Variants in PDE5A observed in about 807,000 individuals in gnomAD.
PDE5A encodes cGMP-specific 3',5'-cyclic phosphodiesterase.
In PDE5A, 67 loss-of-function variants were observed where a neutral mutation model predicts 110.2. The ratio of observed to expected loss-of-function variants is 0.61; its 90% CI spans 0.50 to 0.75. The LOEUF (loss-of-function observed/expected upper bound fraction) is 0.75, where lower values mean the gene tolerates loss of function less well. Ranked by LOEUF, PDE5A falls within the 30% of genes least tolerant of loss-of-function variation. The pLI is 0.00. For synonymous variants in PDE5A, 328 were observed against 351.2 expected (o/e 0.93, Z 0.74); for missense variants, 862 against 1,045.1 (o/e 0.82, Z 2.42).
chr4:119,569,030 T>A (rs910524308), intron 3 of PDE5A, among the ~76,000 whole-genome samples: 2 of 150,916 alleles, frequency 1.3e-5, no homozygotes, highest in African/African-American at 4.9e-5. Context: ...TTCCTTTCAG[T>A]CTTTTTTTTT....
chr4:119,624,318 A>G (rs1730263111), intron 1 of PDE5A, among the ~76,000 whole-genome samples: 1 of 152,224 alleles, frequency 6.6e-6, no homozygotes, highest in African/African-American at 2.4e-5. Flanking sequence ...AAAAAAATAC[A>G]TAGCAATATT....
At position 119,497,257 on chromosome 4, in the gene PDE5A, A is replaced by G. The variant is rs1231534718; in HGVS notation, c.*1344T>C. Reference sequence around the variant, plus strand: ...TCCCCAAATCCAAACATTCCTGCATATTTGAAACAAATTTTCCTTTCCTAG... The same window carrying G: ...TCCCCAAATCCAAACATTCCTGCATGTTTGAAACAAATTTTCCTTTCCTAG... On this transcript the variant is annotated 3_prime_UTR_variant, in exon 21 of 21. Transcript: ENST00000354960. The G allele has an allele frequency of 6.6e-6, 1 of 152,156 alleles. No individual in the cohort carries two copies. The highest frequency in any genetic ancestry group is 1.5e-5 in the Non-Finnish European group (1 of 68,016). 9.4% of individuals were successfully genotyped at this position (152,156 alleles called of 1,614,324 possible).
intron 15 of PDE5A, among the ~76,000 whole-genome samples, chr4:119,508,683 A>T: frequency 6.6e-6 from 1 of 151,918 alleles, no homozygotes; most frequent in East Asian, 1.9e-4. Context: ...AAATCATTTT[A>T]GATTCTAGGC....
intron 1 of PDE5A, among the ~76,000 whole-genome samples, chr4:119,608,533 A>G (rs566660682): frequency 1.3e-5 from 2 of 152,210 alleles, no homozygotes; most frequent in South Asian, 4.1e-4. Flanking sequence ...TCTAAAAATT[A>G]GACCTTGTTT....
intron 9 of PDE5A, chr4:119,543,853 A>G (rs965184277): frequency 6.6e-6 from 1 of 152,198 alleles, no homozygotes; most frequent in Admixed American, 6.5e-5. Flanking sequence ...CAGGTGAGGC[A>G]GGCATTTTTC....
chr4:119,538,925 A>T, intron 11 of PDE5A, 35 bp downstream of exon 11: 1 of 1,511,968 alleles, frequency 6.6e-7, no homozygotes, highest in Non-Finnish European at 9.2e-7. Flanking sequence ...AGGTGTCTGT[A>T]ATTAGTAATT....
intron 12 of PDE5A, among the ~76,000 whole-genome samples, chr4:119,523,009 T>C (rs533224689): frequency 2.1e-4 from 32 of 149,992 alleles, no homozygotes; most frequent in African/African-American, 7.8e-4. Context: ...CAATCAGTAG[T>C]GAAAAATAAC....
chr4:119,555,890 T>C (rs1727518461), intron 7 of PDE5A, among the ~76,000 whole-genome samples: 1 of 152,212 alleles, frequency 6.6e-6, no homozygotes, highest in African/African-American at 2.4e-5. Flanking sequence ...TAAAGTTACA[T>C]GATACTATGT....
chr4:119,587,062 T>C (rs1284911499), intron 3 of PDE5A, among the ~76,000 whole-genome samples: 1 of 152,200 alleles, frequency 6.6e-6, no homozygotes, highest in African/African-American at 2.4e-5. Flanking sequence ...ATATATACTT[T>C]GTTATTTAAA....
In PDE5A at chr4:119,497,453, T is replaced by G. The variant is rs112157459; in HGVS notation, c.*1148A>C. The G allele has an allele frequency of 2.6e-5, 4 of 152,264 alleles. No individual in the cohort carries two copies. The South Asian group carries it at 8.3e-4, about 32-fold the overall frequency. The allele number at this position is 152,264 out of a possible 1,614,324, so 9.4% of individuals were successfully genotyped here. Reference sequence around the variant, plus strand: ...TGAATGTGAGTTAAGGGCCAGTGTTTAGCATTCACATCCAGGATTCTCTGG... The same window carrying G: ...TGAATGTGAGTTAAGGGCCAGTGTTGAGCATTCACATCCAGGATTCTCTGG... On this transcript the variant is annotated 3_prime_UTR_variant, in exon 21 of 21. Coordinates refer to ENST00000354960, the MANE Select transcript of PDE5A (RefSeq NM_001083.4).
In PDE5A at chr4:119,627,108, GA is replaced by G; in HGVS notation, c.152+1411del. 1.9e-6 allele frequency: 3 copies of G among 1,608,080 alleles called. No individual in the cohort carries two copies. The highest frequency in any genetic ancestry group is 1.7e-6 in the Non-Finnish European group (2 of 1,176,788). Reference sequence around the variant, plus strand: ...GCACCCGAGACCCGCCGCGCCCCCGGAAAAAGTGGGAAGGGACGTAGGGGGA... The same window carrying G: ...GCACCCGAGACCCGCCGCGCCCCCGGAAAAGTGGGAAGGGACGTAGGGGGA... On this transcript the variant is annotated intron_variant, in intron 1 of 20. Transcript: ENST00000354960. The surrounding 1 kb of genome is among the most constrained non-coding windows in gnomAD (Gnocchi z 4.6).
Position 119,567,146 on chromosome 4 carries a change from T to C in PDE5A, c.832-2A>G. The C allele has an allele frequency of 6.2e-7, 1 of 1,608,160 alleles. No homozygotes were observed. The highest frequency in any genetic ancestry group is 2.2e-5 in the East Asian group (1 of 44,838). On this transcript the variant is annotated splice_acceptor_variant, in intron 3 of 20. Coordinates refer to ENST00000354960, the MANE Select transcript of PDE5A (RefSeq NM_001083.4). LOFTEE classifies it high-confidence loss of function. ...GATGGCCTGGGCTACACCAACAACCTGGTATAAGGAGAGAAAAGCGACAAT... is the reference window on the plus strand; with the variant it reads ...GATGGCCTGGGCTACACCAACAACCCGGTATAAGGAGAGAAAAGCGACAAT...
At chr4:119,616,492 TATAAA>T (rs1729947692) in intron 1 of PDE5A, among the ~76,000 whole-genome samples, 1 of 152,164 alleles carries the variant, frequency 6.6e-6, no homozygotes, top group South Asian at 2.1e-4. Flanking sequence ...TCAAACTGCT[TATAAA>T]ATAATGATTT....
chr4:119,543,824 C>T (rs1727035170), intron 9 of PDE5A: 1 of 152,246 alleles, frequency 6.6e-6, no homozygotes, highest in Non-Finnish European at 1.5e-5. Flanking sequence ...CCAATGACCT[C>T]CAGGAGGCCT....
intron 3 of PDE5A, among the ~76,000 whole-genome samples, chr4:119,572,409 TC>T (rs761037800): frequency 9.8e-5 from 15 of 152,322 alleles, no homozygotes; most frequent in South Asian, 6.2e-4. Flanking sequence ...AATTATGTCT[TC>T]CCATTTTTGG....
chr4:119,498,622 G>A lies in PDE5A; in HGVS notation c.2607C>T (p.Ser869=), dbSNP rs143408453. The A allele has an allele frequency of 1.3e-4, 209 of 1,613,956 alleles. No individual in the cohort carries two copies. In the African/African-American group the frequency reaches 2.1e-3, roughly 16 times the overall value. Residue 869 remains serine, a synonymous_variant, in exon 21 of 21, where the codon AGC becomes AGT. Transcript: ENST00000354960. ...QQEKMLINGE[S]GQAKRN is the part of the protein sequence containing the mutation. ...CCACTCAGTTCCGCTTGGCCTGGCC[G>A]CTTTCCCCATTAATCAGCATCTTCT...
rs1553931705 is a variant in PDE5A at position 119,628,622 on chromosome 4, GGCT to G, written c.47_49del (p.Gln16del). 1 of 1,613,746 alleles carries G rather than the reference GGCT, an allele frequency of 6.2e-7. No individual in the cohort carries two copies. The stretch of plus-strand genomic sequence containing the variant: ...CCTCTGCTGCTGCTTCTGCTGCTGG[GGCT>G]GCTGCTGCTGTCGCTGCTGCCCGAA... On this transcript the variant is annotated inframe_deletion, in exon 1 of 21. Coordinates refer to ENST00000354960, the MANE Select transcript of PDE5A (RefSeq NM_001083.4).
intron 11 of PDE5A, among the ~76,000 whole-genome samples, chr4:119,529,950 A>G (rs1481221369): frequency 2.6e-5 from 4 of 152,102 alleles, no homozygotes; most frequent in African/African-American, 9.7e-5. Context: ...TAAAAATGCA[A>G]ATTCTTGGGT....
intron 9 of PDE5A, among the ~76,000 whole-genome samples, chr4:119,552,285 A>G (rs1727382651): frequency 6.6e-6 from 1 of 152,180 alleles, no homozygotes; most frequent in Non-Finnish European, 1.5e-5. Context: ...TATCTCTTAT[A>G]CAGTCTACCA....
Sources: gnomAD v4.1 joint callset for allele counts (sites outside exome capture counted in the v4.1 genomes callset) on GRCh38, gnomAD v4.1.1 for gene constraint, Gnocchi (gnomAD v3.1) non-coding constraint, MANE v1.5 for transcripts, NCBI Gene and HGNC (gene_info 2026-07-23, HGNC 2026-07-21) for gene names.